The following MIS18BP1 variants were observed in gnomAD, a reference collection of about 807,000 sequenced individuals.
MIS18BP1 encodes MIS18 binding protein 1.
Under a neutral mutation model 116.1 loss-of-function variants are expected in MIS18BP1, and 72 were observed. The ratio of observed to expected loss-of-function variants is 0.62; its 90% CI spans 0.51 to 0.75. The LOEUF (loss-of-function observed/expected upper bound fraction) is 0.75. Ranked by LOEUF, MIS18BP1 falls within the 30% of genes least tolerant of loss-of-function variation. The probability of loss-of-function intolerance (pLI) is 0.00; values close to 1 mark genes in which losing one functional copy is unlikely to be tolerated. For missense variants in MIS18BP1, 1,363 were observed against 1,303.2 expected, an observed-to-expected ratio of 1.05 and a Z score of -0.71; for synonymous variants, 386 against 427.0, an observed-to-expected ratio of 0.90 and a Z score of 1.18.
rs1891056743 is a variant in MIS18BP1 at position 45,224,199 on chromosome 14, G to C, written c.2388C>G (p.Thr796=). The C allele has an allele frequency of 6.2e-7, 1 of 1,613,704 alleles. No individual in the cohort carries two copies. Among genetic ancestry groups the C allele is most frequent in the African/African-American group, 1.3e-5 (1 of 74,878 alleles). The change falls in exon 11 of 17, where the codon ACC becomes ACG. Residue 796 remains threonine, a synonymous_variant. Coordinates refer to ENST00000310806, the MANE Select transcript of MIS18BP1 (RefSeq NM_018353.5). ...AEVKKTKAGN[T]KEAVVHLRKS... ...TTCTCAGGTGAACCACTGCTTCTTT[G>C]GTGTTTCCTGCTTTGGTTTTCTTAA...
chr14:45,232,476 A>G, intron 7 of MIS18BP1: 2 of 363,042 alleles, frequency 5.5e-6, no homozygotes, highest in South Asian at 5.7e-5. Flanking sequence ...CAAATACCTA[A>G]AACAGGTGCA....
At chr14:45,220,625 A>G (rs1380052745) in intron 11 of MIS18BP1, among the ~76,000 whole-genome samples, 2 of 152,176 alleles carry the variant, frequency 1.3e-5, no homozygotes, top group Non-Finnish European at 2.9e-5. Flanking sequence ...TTTTCACTCA[A>G]TATGCCTTTG....
In MIS18BP1 at chr14:45,248,910, C is replaced by T. The variant is rs1418830829; in HGVS notation, c.-91-1533G>A. Among the ~76,000 whole-genome samples, 6 of 151,990 alleles carry T rather than the reference C, an allele frequency of 3.9e-5. No individual in the cohort carries two copies. In the East Asian group the frequency reaches 7.7e-4, roughly 20 times the overall value. On this transcript the variant is annotated intron_variant, in intron 1 of 16. Coordinates refer to ENST00000310806, the MANE Select transcript of MIS18BP1 (RefSeq NM_018353.5). ...AAGTTATAATATTAGCCGTTCACTT[C>T]ATTTCTGTTTTATTTTTGAGACAGT...
At position 45,210,582 on chromosome 14, in the gene MIS18BP1, T is replaced by A; in HGVS notation, c.3004-54A>T. ...GCACCCCATAAAAGGTATTTTCTCATTATCACAAAATAGTTTTGGAGGACT... is the reference window on the plus strand; with the variant it reads ...GCACCCCATAAAAGGTATTTTCTCAATATCACAAAATAGTTTTGGAGGACT... On this transcript the variant is annotated intron_variant, in intron 13 of 16. Coordinates refer to ENST00000310806, the MANE Select transcript of MIS18BP1 (RefSeq NM_018353.5). 4 of 1,595,548 alleles carry A rather than the reference T, an allele frequency of 2.5e-6. 1 individual carries two copies.
At position 45,215,379 on chromosome 14, in the gene MIS18BP1, A is replaced by G. The variant is rs563324522; in HGVS notation, c.3003+1640T>C. Among the ~76,000 whole-genome samples the G allele has an allele frequency of 5.3e-5, 8 of 152,310 alleles. No homozygotes were observed. In the East Asian group the frequency reaches 1.5e-3, roughly 29 times the overall value. On this transcript the variant is annotated intron_variant, in intron 13 of 16. Coordinates refer to ENST00000310806, the MANE Select transcript of MIS18BP1 (RefSeq NM_018353.5). ...ACAACTGTTTGAATTTTTATACTCA[A>G]TAGTCCAATTGTCTGTTATCCACAC... is the stretch of plus-strand genomic sequence containing the variant.
At chr14:45,242,729 A>G in intron 3 of MIS18BP1, 32 bp downstream of exon 3, 1 of 1,559,796 alleles carries the variant, frequency 6.4e-7, no homozygotes, top group South Asian at 1.1e-5. Context: ...ATACTTAAGT[A>G]ACAAACTGAA....
rs150763875 is a variant in MIS18BP1 at position 45,218,447 on chromosome 14, C to G, written c.2677G>C (p.Ala893Pro). 1.6e-5 allele frequency: 25 copies of G among 1,601,164 alleles called. No individual in the cohort carries two copies. The African/African-American group carries it at 3.1e-4, about 20-fold the overall frequency. The change falls in exon 12 of 17, where the codon GCA becomes CCA. Residue 893 changes from alanine (A) to proline (P), a missense_variant. Ala to Pro is a conservative substitution (Grantham distance 27, BLOSUM62 -1). Coordinates refer to ENST00000310806, the MANE Select transcript of MIS18BP1 (RefSeq NM_018353.5). ...CCAGGTTTGTGCTTTGGAAGAGATG[C>G]AAAAGCACTATGGAAGATCAAAACC... The part of the protein sequence containing the change: ...KELQKLHCAF[A>P]SLPKHKPGFW...
At chr14:45,225,830 C>T (rs968210872) in intron 10 of MIS18BP1, among the ~76,000 whole-genome samples, 2 of 152,166 alleles carry the variant, frequency 1.3e-5, no homozygotes, top group Non-Finnish European at 1.5e-5. Flanking sequence ...AAACATATTA[C>T]AACCACCTCC....
rs1016307189 is a variant in MIS18BP1 at position 45,224,462 on chromosome 14, T to C, written c.2125A>G (p.Lys709Glu). ...LENTFEGHKS[K>E]NKEDCDERDL... The stretch of plus-strand genomic sequence containing the variant: ...CGTTCATCGCAATCTTCCTTGTTTT[T>C]ACTTTTATGACCTTCAAATGTATTT... The change falls in exon 11 of 17, where the codon AAA (lysine) becomes GAA (glutamate). Residue 709 changes from lysine (K) to glutamate (E), a missense_variant. Lys to Glu is a moderately conservative substitution (Grantham distance 56). Coordinates refer to ENST00000310806, the MANE Select transcript of MIS18BP1 (RefSeq NM_018353.5). 6.2e-7 allele frequency: 1 copy of C among 1,613,986 alleles called. No homozygotes were observed. Among genetic ancestry groups the C allele is most frequent in the Admixed American group, 1.7e-5 (1 of 60,020 alleles).
chr14:45,233,493 G>A (rs894793429), intron 6 of MIS18BP1, among the ~76,000 whole-genome samples: 20 of 152,174 alleles, frequency 1.3e-4, no homozygotes, highest in Admixed American at 6.5e-5. Context: ...GACTGCTAAA[G>A]CAAACTGCTA....
intron 11 of MIS18BP1, among the ~76,000 whole-genome samples, chr14:45,219,549 C>A (rs922267629): frequency 1.3e-5 from 2 of 152,052 alleles, no homozygotes; most frequent in Non-Finnish European, 2.9e-5. Flanking sequence ...TAAGCATTAT[C>A]TTTGTTTTAA....
At chr14:45,227,932 T>TG in intron 8 of MIS18BP1, 118 bp from the exon 9 acceptor site, 9 of 984,294 alleles carry the variant, frequency 9.1e-6, no homozygotes, top group Non-Finnish European at 1.3e-5. Context: ...ATCCCAGCAC[T>TG]CTGGGAGGCC....
At position 45,227,780 on chromosome 14, in the gene MIS18BP1, TC is replaced by T. The variant is rs1891166103; in HGVS notation, c.1628del (p.Gly543GlufsTer5). 1 of 1,613,930 alleles carries T rather than the reference TC, an allele frequency of 6.2e-7. No homozygotes were observed. The highest frequency in any genetic ancestry group is 8.5e-7 in the Non-Finnish European group (1 of 1,179,944). On this transcript the variant is annotated frameshift_variant, in exon 9 of 17. Coordinates refer to ENST00000310806, the MANE Select transcript of MIS18BP1 (RefSeq NM_018353.5). LOFTEE classifies it high-confidence loss of function. ...TGTGGCACATGTTTAATTCTGTAGC[TC>T]CTGGTGACTCACTGTGCTTATTACT... ...LKSNKHSESPGATELNMCHSN... is the reference protein window; with the variant it reads ...LKSNKHSESPXATELNMCHSN...
In MIS18BP1 at chr14:45,203,447, G is replaced by A. The variant is rs1890420544; in HGVS notation, c.*662C>T. The A allele has an allele frequency of 6.6e-6, 1 of 151,804 alleles. No homozygotes were observed. The highest frequency in any genetic ancestry group is 2.4e-5 in the African/African-American group (1 of 41,298). The allele number at this position is 151,804 out of a possible 1,614,324, so 9.4% of individuals were successfully genotyped here. ...AAGCTGTTTCTGCATATGTAAATAA[G>A]GCTTAAAAATTAGAGAACAAAATCT... On this transcript the variant is annotated 3_prime_UTR_variant, in exon 17 of 17. Coordinates refer to ENST00000310806, the MANE Select transcript of MIS18BP1 (RefSeq NM_018353.5).
At position 45,217,033 on chromosome 14, in the gene MIS18BP1, G is replaced by A. The variant is rs1283773138; in HGVS notation, c.2989C>T (p.His997Tyr). The change falls in exon 13 of 17, where the codon CAT becomes TAT. Residue 997 changes from histidine (H) to tyrosine (Y), a missense_variant. His to Tyr is a moderately conservative substitution (Grantham distance 83). Transcript: ENST00000310806. ...ATGCCTCTTACCAGTATTCTTTGAT[G>A]CTGTAAAGGTGTTGTACTGAAAAAA... ...DDFFSTTPLQ[H>Y]QRILLPSFQD... The A allele has an allele frequency of 6.2e-7, 1 of 1,613,866 alleles. No individual in the cohort carries two copies. The highest frequency in any genetic ancestry group is 2.2e-5 in the East Asian group (1 of 44,854).
intron 8 of MIS18BP1, among the ~76,000 whole-genome samples, chr14:45,230,407 T>C (rs1315321775): frequency 6.6e-6 from 1 of 152,164 alleles, no homozygotes; most frequent in Non-Finnish European, 1.5e-5. Context: ...AAGAAAAGCA[T>C]TTTCTTGAAT....
intron 4 of MIS18BP1, 148 bp from the exon 5 acceptor site, chr14:45,237,869 A>T: frequency 2.6e-6 from 3 of 1,171,572 alleles, no homozygotes; most frequent in Non-Finnish European, 3.4e-6. Context: ...TCTATTCTAA[A>T]TAGCAATAGG....
chr14:45,239,113 TATAAG>T (rs1368991672), intron 4 of MIS18BP1, among the ~76,000 whole-genome samples: 8 of 152,284 alleles, frequency 5.3e-5, no homozygotes, highest in South Asian at 2.1e-4. Flanking sequence ...ATACTGCTTA[TATAAG>T]ATATCAAAAT....
Position 45,204,169 on chromosome 14 carries a change from A to C in MIS18BP1, c.3339T>G (p.Ala1113=), listed in dbSNP as rs773063753. The C allele has an allele frequency of 6.2e-7, 1 of 1,611,758 alleles. No individual in the cohort carries two copies. Among genetic ancestry groups the C allele is most frequent in the South Asian group, 1.1e-5 (1 of 90,452 alleles). Residue 1113 remains alanine (A), a synonymous_variant, in exon 17 of 17, where the codon GCT becomes GCG. Transcript: ENST00000310806. ...NSGIGKLFTN[A]VESLDEEEKD... ...TCTCTTCTTCATCTAAAGATTCCAC[A>C]GCATTAGTGAAAAGTTTTCCAATAC...
Sources: gnomAD v4.1 joint callset for allele counts (sites outside exome capture counted in the v4.1 genomes callset) on GRCh38, gnomAD v4.1.1 for gene constraint, MANE v1.5 for transcripts, NCBI Gene and HGNC (gene_info 2026-07-23, HGNC 2026-07-21) for gene names.